The following CTSC variants were observed in gnomAD, a reference collection of about 807,000 sequenced individuals.
CTSC encodes cathepsin C.
A neutral mutation model predicts 40.9 loss-of-function variants in CTSC; 37 were observed. The observed-to-expected ratio is 0.91, with a 90% confidence interval of 0.70 to 1.19. CTSC has a LOEUF of 1.19. CTSC is among the 50% of genes most tolerant of loss of function. The pLI, the probability that CTSC is intolerant of heterozygous loss-of-function variation, is 0.00. For missense variants in CTSC, 594 were observed against 567.3 expected, an observed-to-expected ratio of 1.05 and a Z score of -0.48; for synonymous variants, 232 against 207.4, an observed-to-expected ratio of 1.12 and a Z score of -1.02.
chr11:88,293,833 G>T lies in CTSC; in HGVS notation c.*173C>A. Reference sequence around the variant, plus strand: ...AATACTTAGAAAAAAATGGCCAGTGGCCGATTGAAAGGTATATTAAAATTA... The same window carrying T: ...AATACTTAGAAAAAAATGGCCAGTGTCCGATTGAAAGGTATATTAAAATTA... On this transcript the variant is annotated 3_prime_UTR_variant, in exon 7 of 7. Coordinates refer to ENST00000227266, the MANE Select transcript of CTSC (RefSeq NM_001814.6). 1 of 753,808 alleles carries T rather than the reference G, an allele frequency of 1.3e-6. No individual in the cohort carries two copies. Among genetic ancestry groups the T allele is most frequent in the Non-Finnish European group, 2.1e-6 (1 of 465,230 alleles). 46.7% of individuals were successfully genotyped at this position (753,808 alleles called of 1,614,324 possible).
intron 4 of CTSC, among the ~76,000 whole-genome samples, chr11:88,307,901 A>C (rs1937668256): frequency 6.6e-6 from 1 of 152,104 alleles, no homozygotes; most frequent in African/African-American, 2.4e-5. Context: ...AGACAGGGAA[A>C]TTGCAATAGA....
At chr11:88,300,501 TAACAA>T in intron 5 of CTSC, 24 bp downstream of exon 5, 1 of 1,383,642 alleles carries the variant, frequency 7.2e-7, no homozygotes, top group Non-Finnish European at 1.0e-6. Flanking sequence ...CCAAACAAAT[TAACAA>T]AAAACTTAGG....
chr11:88,312,455 T>C lies in CTSC; in HGVS notation c.418A>G (p.Lys140Glu). 1 of 1,614,192 alleles carries C rather than the reference T, an allele frequency of 6.2e-7. No individual in the cohort carries two copies. The highest frequency in any genetic ancestry group is 8.5e-7 in the Non-Finnish European group (1 of 1,180,040). Reference protein sequence around the residue: ...LGRNWACFTGKKVGTASENVY... With the variant: ...LGRNWACFTGEKVGTASENVY... ...TTCTCAGAGGCAGTTCCCACCTTCTTTCCGGTGAAACAAGCCCAGTTCCGG... is the reference window on the plus strand; with the variant it reads ...TTCTCAGAGGCAGTTCCCACCTTCTCTCCGGTGAAACAAGCCCAGTTCCGG... The change falls in exon 3 of 7, where the codon AAG (lysine) becomes GAG (glutamate). Residue 140 changes from lysine (K) to glutamate (E), a missense_variant. Physicochemically the swap from Lys to Glu is moderately conservative, Grantham distance 56. Coordinates refer to ENST00000227266, the MANE Select transcript of CTSC (RefSeq NM_001814.6).
chr11:88,334,433 T>G (rs1330771479), intron 2 of CTSC, among the ~76,000 whole-genome samples: 1 of 152,198 alleles, frequency 6.6e-6, no homozygotes, highest in Non-Finnish European at 1.5e-5. Context: ...AACTCCTAGG[T>G]TCTCTCTTTC....
At chr11:88,297,384 G>A (rs1944310227) in intron 5 of CTSC, 1 of 152,194 alleles carries the variant, frequency 6.6e-6, no homozygotes, top group Non-Finnish European at 1.5e-5. Flanking sequence ...CTAGGAGTGA[G>A]GATACTTTTT....
chr11:88,318,524 C>A (rs1327620760), intron 2 of CTSC, among the ~76,000 whole-genome samples: 1 of 152,214 alleles, frequency 6.6e-6, no homozygotes. Flanking sequence ...AACTGGGCAG[C>A]TGACACTGGG....
At chr11:88,311,228 G>A (rs1013325053) in intron 3 of CTSC, among the ~76,000 whole-genome samples, 1 of 152,128 alleles carries the variant, frequency 6.6e-6, no homozygotes, top group Non-Finnish European at 1.5e-5. Context: ...TAAATGATAG[G>A]GTACAAAGTA....
chr11:88,334,352 C>A (rs1938436545), intron 2 of CTSC, among the ~76,000 whole-genome samples: 1 of 152,170 alleles, frequency 6.6e-6, no homozygotes, highest in African/African-American at 2.4e-5. Context: ...AACAATAGTT[C>A]TTTCCTAATG....
intron 4 of CTSC, among the ~76,000 whole-genome samples, chr11:88,301,351 T>A (rs551977452): frequency 6.6e-6 from 1 of 152,190 alleles, no homozygotes; most frequent in Non-Finnish European, 1.5e-5. Context: ...TTCATTTACA[T>A]AAGGCATACA....
chr11:88,330,260 C>A (rs2134818760), intron 2 of CTSC, among the ~76,000 whole-genome samples: 1 of 152,228 alleles, frequency 6.6e-6, no homozygotes, highest in East Asian at 1.9e-4. Context: ...TGCTTAGATA[C>A]CCACCCACCT....
intron 4 of CTSC, among the ~76,000 whole-genome samples, chr11:88,302,640 A>G (rs1054770177): frequency 6.6e-6 from 1 of 150,868 alleles, no homozygotes; most frequent in Non-Finnish European, 1.5e-5. Context: ...AAAAAAAAAA[A>G]AAAAAAAAAA....
chr11:88,301,788 ACACACACACAAACACACGCGCG>A (rs1944364310), intron 4 of CTSC, among the ~76,000 whole-genome samples: 1 of 117,570 alleles, frequency 8.5e-6, no homozygotes, highest in Non-Finnish European at 1.9e-5. Flanking sequence ...ATACACATGC[ACACACACACAAACACACGCGCG>A]CACACACACA....
chr11:88,310,482 C>A (rs1296295710), intron 3 of CTSC, among the ~76,000 whole-genome samples: 1 of 152,068 alleles, frequency 6.6e-6, no homozygotes, highest in Non-Finnish European at 1.5e-5. Flanking sequence ...TTCAACTATG[C>A]AAAACAAGAT....
At chr11:88,308,105 G>A (rs1415454244) in intron 4 of CTSC, among the ~76,000 whole-genome samples, 1 of 152,180 alleles carries the variant, frequency 6.6e-6, no homozygotes, top group East Asian at 1.9e-4. Flanking sequence ...AATTATACCA[G>A]TGAGAAAACT....
intron 5 of CTSC, chr11:88,297,980 G>C (rs1405454921): frequency 1.3e-5 from 2 of 152,114 alleles, no homozygotes; most frequent in Non-Finnish European, 2.9e-5. Context: ...ACTAGGAGTC[G>C]GGAGTCAGGA....
intron 4 of CTSC, among the ~76,000 whole-genome samples, chr11:88,308,568 A>G (rs12574263): frequency 0.045 from 6,836 of 151,026 alleles, 201 homozygotes; most frequent in East Asian, 0.1. Flanking sequence ...GGACCCAGCA[A>G]CCCCACTCCT....
At chr11:88,335,370 G>C (rs1016205490) in intron 1 of CTSC, among the ~76,000 whole-genome samples, 1 of 152,044 alleles carries the variant, frequency 6.6e-6, no homozygotes, top group Non-Finnish European at 1.5e-5. Flanking sequence ...AGAACTTCAA[G>C]ACTAGTTTGG....
chr11:88,294,681 C>T (rs759874270), intron 6 of CTSC, among the ~76,000 whole-genome samples, 173 bp from the exon 7 acceptor site: 7 of 152,200 alleles, frequency 4.6e-5, no homozygotes, highest in Non-Finnish European at 8.8e-5. Context: ...ATCCTTTCAT[C>T]CTCCTTCTAC....
chr11:88,321,453 G>T (rs999019946), intron 2 of CTSC: 2 of 151,956 alleles, frequency 1.3e-5, no homozygotes, highest in African/African-American at 4.8e-5. Context: ...CCCCTGACTG[G>T]CCCCAGTGTG....
Sources: gnomAD v4.1 joint callset for allele counts (sites outside exome capture counted in the v4.1 genomes callset) on GRCh38, gnomAD v4.1.1 for gene constraint, MANE v1.5 for transcripts, NCBI Gene and HGNC (gene_info 2026-07-23, HGNC 2026-07-21) for gene names.